PKNOX1: variants seen among roughly 807,000 people sequenced by gnomAD.
PKNOX1 encodes homeobox protein PKNOX1.
Under a neutral mutation model 51.9 loss-of-function variants are expected in PKNOX1, and 15 were observed. The ratio of observed to expected loss-of-function variants is 0.29; its 90% CI spans 0.19 to 0.45. The LOEUF (loss-of-function observed/expected upper bound fraction) is 0.45. PKNOX1 is among the 20% of genes least tolerant of loss of function. The pLI, the probability that PKNOX1 is intolerant of heterozygous loss-of-function variation, is 1.00. For synonymous variants in PKNOX1, 219 were observed against 211.1 expected, an observed-to-expected ratio of 1.04 and a Z score of -0.32; for missense variants, 462 against 547.5, an observed-to-expected ratio of 0.84 and a Z score of 1.56.
intron 5 of PKNOX1, 123 bp downstream of exon 5, chr21:43,013,361 C>A: frequency 1.5e-6 from 1 of 675,322 alleles, no homozygotes; most frequent in Non-Finnish European, 2.3e-6. Flanking sequence ...CAAGAAGGAC[C>A]CTCTAGGTCT....
At chr21:42,979,930 A>G (rs894586903) in intron 1 of PKNOX1, among the ~76,000 whole-genome samples, 1 of 152,216 alleles carries the variant, frequency 6.6e-6, no homozygotes, top group African/African-American at 2.4e-5. Context: ...TGGTCAGTGA[A>G]GTATGACTTG....
chr21:42,985,423 C>A (rs2059047251), intron 1 of PKNOX1, among the ~76,000 whole-genome samples: 1 of 152,060 alleles, frequency 6.6e-6, no homozygotes, highest in South Asian at 2.1e-4. Context: ...CAGTCTCCAC[C>A]TCCTGGGTTC....
At chr21:43,024,660 C>T in intron 8 of PKNOX1, 1 of 561,524 alleles carries the variant, frequency 1.8e-6, no homozygotes, top group Non-Finnish European at 3.2e-6. Flanking sequence ...TCTGCCTTGG[C>T]CTATGCACTA....
At chr21:43,015,382 T>C (rs1188498850) in intron 5 of PKNOX1, among the ~76,000 whole-genome samples, 1 of 152,254 alleles carries the variant, frequency 6.6e-6, no homozygotes, top group Non-Finnish European at 1.5e-5. Context: ...GGACATTACA[T>C]GGATTGGTTT....
chr21:43,000,120 T>C (rs926275089), intron 1 of PKNOX1, among the ~76,000 whole-genome samples: 7 of 152,132 alleles, frequency 4.6e-5, no homozygotes, highest in African/African-American at 1.4e-4. Flanking sequence ...AACAAGTCTC[T>C]AGGAAGTTCC....
rs1258484230 is a variant in PKNOX1 at position 43,024,995 on chromosome 21, C to T, written c.926+48C>T. ...ATCATGCTGTCAGCACGGTAGAGCACTTGGAAACCCTGGCACCAATACATG... is the reference window on the plus strand; with the variant it reads ...ATCATGCTGTCAGCACGGTAGAGCATTTGGAAACCCTGGCACCAATACATG... On this transcript the variant is annotated intron_variant, in intron 9 of 10. Transcript: ENST00000291547. 8 of 1,148,512 alleles carry T rather than the reference C, an allele frequency of 7.0e-6. No homozygotes were observed. In the South Asian group the frequency reaches 1.0e-4, roughly 15 times the overall value. 71.1% of individuals were successfully genotyped at this position (1,148,512 alleles called of 1,614,324 possible). A position where few individuals can be genotyped will look rare whatever the true frequency, so the allele number is the denominator to read the frequency against.
At chr21:42,979,558 CTG>C (rs1020325360) in intron 1 of PKNOX1, among the ~76,000 whole-genome samples, 9 of 152,080 alleles carry the variant, frequency 5.9e-5, no homozygotes, top group African/African-American at 1.4e-4. Flanking sequence ...CTGGCTAACA[CTG>C]TGAAACCCCG....
intron 7 of PKNOX1, among the ~76,000 whole-genome samples, chr21:43,020,931 G>T (rs950596233): frequency 6.6e-6 from 1 of 152,186 alleles, no homozygotes; most frequent in African/African-American, 2.4e-5. Flanking sequence ...AACAGGGCGA[G>T]ACCCTGCCTC....
intron 1 of PKNOX1, among the ~76,000 whole-genome samples, chr21:43,000,698 G>C (rs1006121159): frequency 6.6e-6 from 1 of 150,456 alleles, no homozygotes; most frequent in African/African-American, 2.4e-5. Flanking sequence ...ACCAGCCTGA[G>C]CAATATAGCA....
rs1979917428 is a variant in PKNOX1 at position 43,024,716 on chromosome 21, C to G, written c.850-155C>G. The G allele has an allele frequency of 4.9e-6, 3 of 606,770 alleles. No individual in the cohort carries two copies. The Admixed American group carries it at 8.4e-5, about 17-fold the overall frequency. The allele number at this position is 606,770 out of a possible 1,614,324, so 37.6% of individuals were successfully genotyped here. A position where few individuals can be genotyped will look rare whatever the true frequency, so the allele number is the denominator to read the frequency against. ...GACATTCCTGGGACGAGGAGAAACACTTTGTTCGTGAGACTACAGTTAGGT... is the reference window on the plus strand; with the variant it reads ...GACATTCCTGGGACGAGGAGAAACAGTTTGTTCGTGAGACTACAGTTAGGT... On this transcript the variant is annotated intron_variant, in intron 8 of 10. Coordinates refer to ENST00000291547, the MANE Select transcript of PKNOX1 (RefSeq NM_004571.5).
intron 1 of PKNOX1, among the ~76,000 whole-genome samples, chr21:42,994,881 T>C (rs1978421121): frequency 6.6e-6 from 1 of 151,590 alleles, no homozygotes; most frequent in Non-Finnish European, 1.5e-5. Context: ...ACATACCACA[T>C]TTGGTTGTTG....
chr21:43,019,100 AC>A (rs1334377644), intron 7 of PKNOX1, among the ~76,000 whole-genome samples: 12 of 133,458 alleles, frequency 9.0e-5, no homozygotes, highest in Admixed American at 7.6e-4. Flanking sequence ...AAAAAAAAAA[AC>A]ATTGATTCTG....
intron 8 of PKNOX1, among the ~76,000 whole-genome samples, chr21:43,022,463 G>A (rs1269899621): frequency 6.6e-6 from 1 of 152,174 alleles, no homozygotes. Context: ...AAACTGGTGG[G>A]TAGTGTTGCT....
Position 43,021,324 on chromosome 21 carries a change from G to T in PKNOX1, c.742G>T (p.Asp248Tyr). 1.2e-6 allele frequency: 2 copies of T among 1,608,530 alleles called. No individual in the cohort carries two copies. The highest frequency in any genetic ancestry group is 1.7e-6 in the Non-Finnish European group (2 of 1,176,780). Reference protein sequence around the residue: ...NSQLQLQLNQDLSILHQDDGS... With the variant: ...NSQLQLQLNQYLSILHQDDGS... Reference sequence around the variant, plus strand: ...AAAGCTTCAGTTACAGTTAAACCAAGATCTCAGCATCTTGCATCAAGATGA... The same window carrying T: ...AAAGCTTCAGTTACAGTTAAACCAATATCTCAGCATCTTGCATCAAGATGA... Residue 248 changes from aspartate (D) to tyrosine (Y), a missense_variant, in exon 8 of 11, where the codon GAT (aspartate) becomes TAT (tyrosine). Transcript: ENST00000291547. This position sits in a 1 kb window ranked among gnomAD's most constrained non-coding sequence, Gnocchi z 4.6.
At chr21:43,002,961 C>T (rs1479318694) in intron 1 of PKNOX1, among the ~76,000 whole-genome samples, 2 of 152,178 alleles carry the variant, frequency 1.3e-5, no homozygotes, top group Non-Finnish European at 2.9e-5. Context: ...GTGATCCACC[C>T]GCCTGCACCT....
intron 1 of PKNOX1, among the ~76,000 whole-genome samples, chr21:42,982,949 A>G (rs113308774): frequency 0.038 from 5,770 of 151,720 alleles, 138 homozygotes; most frequent in Middle Eastern, 0.061. Flanking sequence ...AGCTGGGATT[A>G]CAGGTGCCCA....
chr21:43,015,858 T>C (rs1164218178), intron 5 of PKNOX1, among the ~76,000 whole-genome samples: 1 of 152,194 alleles, frequency 6.6e-6, no homozygotes, highest in Non-Finnish European at 1.5e-5. Flanking sequence ...TATGTAATTT[T>C]CAAAGAACAG....
At chr21:42,980,461 C>T (rs2059020706) in intron 1 of PKNOX1, among the ~76,000 whole-genome samples, 1 of 152,156 alleles carries the variant, frequency 6.6e-6, no homozygotes, top group South Asian at 2.1e-4. Flanking sequence ...GCGGCTTACA[C>T]TTTTGTTGCA....
At chr21:43,002,827 C>T (rs1978822110) in intron 1 of PKNOX1, among the ~76,000 whole-genome samples, 1 of 152,202 alleles carries the variant, frequency 6.6e-6, no homozygotes, top group Non-Finnish European at 1.5e-5. Context: ...AGCGATTCTG[C>T]TGCCTCAGCC....
Sources: gnomAD v4.1 joint callset for allele counts (sites outside exome capture counted in the v4.1 genomes callset) on GRCh38, gnomAD v4.1.1 for gene constraint, Gnocchi (gnomAD v3.1) non-coding constraint, MANE v1.5 for transcripts, NCBI Gene and HGNC (gene_info 2026-07-23, HGNC 2026-07-21) for gene names.